Variants in NR3C2 observed in about 807,000 individuals in gnomAD.
The protein encoded by NR3C2 is nuclear receptor subfamily 3 group C member 2, also known as mineralocorticoid receptor.
NR3C2 carries 15 observed loss-of-function variants against 86.4 expected under a neutral mutation model. The observed-to-expected ratio is 0.17, with a 90% CI of 0.12 to 0.27. NR3C2 has a LOEUF of 0.27. Ranked by LOEUF, NR3C2 falls within the 10% of genes least tolerant of loss-of-function variation. The pLI is 1.00. For synonymous variants in NR3C2, 458 were observed against 450.5 expected (o/e 1.02, Z -0.21); for missense variants, 960 against 1,195.6 (o/e 0.80, Z 2.91).
intron 2 of NR3C2, among the ~76,000 whole-genome samples, chr4:148,329,231 G>A (rs1334005880): frequency 2.6e-5 from 4 of 152,166 alleles, no homozygotes; most frequent in Non-Finnish European, 4.4e-5. Context: ...AGAACCATGA[G>A]TGTTGTGTAT....
chr4:148,445,108 C>A, upstream of NR3C2: 1 of 570,712 alleles, frequency 1.8e-6, no homozygotes, highest in Non-Finnish European at 2.2e-6. Flanking sequence ...CCCACTACGG[C>A]CACTGACAAC....
rs549979540 is a variant in NR3C2, at chr4:148,197,119, C to T, written c.1898-2257G>A. On this transcript the variant is annotated intron_variant, in intron 3 of 8. Transcript: ENST00000358102. ...GAAGTCTGATAACATTGCTGTGCCT[C>T]AAGGCCAGGAGAGGTTTTTCTAAAT... Among the ~76,000 whole-genome samples the T allele has an allele frequency of 2.6e-5, 4 of 152,294 alleles. No homozygotes were observed. The South Asian group carries it at 8.3e-4, about 32-fold the overall frequency.
At chr4:148,369,933 G>A (rs1746332055) in intron 2 of NR3C2, among the ~76,000 whole-genome samples, 1 of 152,252 alleles carries the variant, frequency 6.6e-6, no homozygotes, top group Admixed American at 6.5e-5. Flanking sequence ...GATGGGCACT[G>A]AGGGGCTGGA....
At chr4:148,400,668 A>G (rs1330230435) in intron 2 of NR3C2, among the ~76,000 whole-genome samples, 1 of 151,204 alleles carries the variant, frequency 6.6e-6, no homozygotes, top group Non-Finnish European at 1.5e-5. Context: ...AGTCCCAGCT[A>G]CTCGGGAGAA....
At chr4:148,367,867 C>T (rs1291974622) in intron 2 of NR3C2, among the ~76,000 whole-genome samples, 1 of 150,796 alleles carries the variant, frequency 6.6e-6, no homozygotes, top group Non-Finnish European at 1.5e-5. Context: ...ATACATTCTC[C>T]CTTTCAAAAA....
At chr4:148,132,125 G>T (rs914423774) in intron 6 of NR3C2, among the ~76,000 whole-genome samples, 1 of 152,164 alleles carries the variant, frequency 6.6e-6, no homozygotes, top group Non-Finnish European at 1.5e-5. Flanking sequence ...CTTTAGTGCA[G>T]GAGAGAAAAC....
intron 1 of NR3C2, among the ~76,000 whole-genome samples, chr4:148,441,738 T>G (rs1033460115): frequency 6.6e-6 from 1 of 152,236 alleles, no homozygotes; most frequent in African/African-American, 2.4e-5. Flanking sequence ...ACAGGATCTA[T>G]TAGGATCTAT....
intron 2 of NR3C2, among the ~76,000 whole-genome samples, chr4:148,327,767 T>C (rs1383971800): frequency 6.6e-6 from 1 of 152,166 alleles, no homozygotes. Flanking sequence ...ATGAAATTGT[T>C]TGGTCTCATC....
At chr4:148,316,894 T>C (rs923376014) in intron 2 of NR3C2, among the ~76,000 whole-genome samples, 4 of 151,954 alleles carry the variant, frequency 2.6e-5, no homozygotes, top group Middle Eastern at 6.8e-3. Flanking sequence ...CTAGACCTCC[T>C]AGGCTCAACT....
At chr4:148,197,438 C>T (rs895793357) in intron 3 of NR3C2, among the ~76,000 whole-genome samples, 5 of 152,114 alleles carry the variant, frequency 3.3e-5, no homozygotes, top group African/African-American at 9.7e-5. Context: ...TGCAAGGTCA[C>T]GAATCATTTG....
intron 2 of NR3C2, among the ~76,000 whole-genome samples, chr4:148,402,094 G>A (rs892693229): frequency 6.6e-6 from 1 of 152,158 alleles, no homozygotes. Flanking sequence ...GTTCCACAAT[G>A]GGGCTCTGGT....
At chr4:148,156,976 TA>T (rs1027759852) in intron 4 of NR3C2, among the ~76,000 whole-genome samples, 68 of 151,618 alleles carry the variant, frequency 4.5e-4, no homozygotes, top group African/African-American at 1.5e-3. Flanking sequence ...TATGCAGCCA[TA>T]AAAAAGGATG....
intron 3 of NR3C2, among the ~76,000 whole-genome samples, chr4:148,207,338 G>C (rs1341595246): frequency 1.3e-5 from 2 of 152,196 alleles, no homozygotes; most frequent in East Asian, 1.9e-4. Context: ...AAAAGCCCAT[G>C]CTCACTAGAA....
At position 148,436,253 on chromosome 4, in the gene NR3C2, G is replaced by A; in HGVS notation, c.608C>T (p.Ser203Leu). Residue 203 changes from serine to leucine, a missense_variant, in exon 2 of 9, where the codon TCG becomes TTG. Transcript: ENST00000358102. Reference sequence around the variant, plus strand: ...GTTGATTCCAGCAGGGCTGCAAACCGAAGATGTCATGTTCAGAGGGCTGCA... The same window carrying A: ...GTTGATTCCAGCAGGGCTGCAAACCAAAGATGTCATGTTCAGAGGGCTGCA... ...SVCSPLNMTS[S>L]VCSPAGINSV... 7.4e-6 allele frequency: 12 copies of A among 1,614,174 alleles called. No homozygotes were observed. Among genetic ancestry groups the A allele is most frequent in the Non-Finnish European group, 1.0e-5 (12 of 1,180,038 alleles).
At chr4:148,412,130 A>G (rs1009127861) in intron 2 of NR3C2, among the ~76,000 whole-genome samples, 1 of 152,164 alleles carries the variant, frequency 6.6e-6, no homozygotes, top group African/African-American at 2.4e-5. Context: ...GGGTCGCCAT[A>G]GGGACTAATG....
intron 2 of NR3C2, among the ~76,000 whole-genome samples, chr4:148,293,356 C>T (rs567338656): frequency 3.9e-5 from 6 of 152,276 alleles, no homozygotes; most frequent in Non-Finnish European, 8.8e-5. Context: ...CCAGAATCAA[C>T]CACGTTAAAG....
chr4:148,176,945 G>C (rs1735405973), intron 4 of NR3C2, among the ~76,000 whole-genome samples: 1 of 152,242 alleles, frequency 6.6e-6, no homozygotes, highest in South Asian at 2.1e-4. Flanking sequence ...GAAGGAAGAA[G>C]AACAATTACA....
intron 2 of NR3C2, among the ~76,000 whole-genome samples, chr4:148,322,524 C>T (rs200344318): frequency 8.3e-3 from 662 of 79,738 alleles, no homozygotes; most frequent in African/African-American, 0.019. Flanking sequence ...ACCAATCAGA[C>T]GTAGATTTGG....
chr4:148,250,400 A>G (rs1739520515), intron 3 of NR3C2, among the ~76,000 whole-genome samples: 1 of 152,166 alleles, frequency 6.6e-6, no homozygotes, highest in African/African-American at 2.4e-5. Flanking sequence ...TAGAATCATA[A>G]TTTAGTAGCT....
Sources: allele counts gnomAD v4.1 joint callset (sites outside exome capture counted in the v4.1 genomes callset), GRCh38; gene constraint gnomAD v4.1.1; transcripts MANE v1.5; gene names NCBI Gene and HGNC (gene_info 2026-07-23, HGNC 2026-07-21).